Variants in RHOT1 observed in about 807,000 individuals in gnomAD.
RHOT1 encodes ras homolog family member T1.
Under a neutral mutation model 95.3 loss-of-function variants are expected in RHOT1, and 27 were observed. That is an observed-to-expected ratio of 0.28 (90% CI 0.21 to 0.39). The LOEUF is 0.39. Among genes scored for constraint, RHOT1 ranks in the 10% least tolerant of loss-of-function variants. The pLI is 1.00. For synonymous variants in RHOT1, 227 were observed against 263.5 expected (o/e 0.86, Z 1.34); for missense variants, 578 against 786.7 (o/e 0.73, Z 3.17).
intron 1 of RHOT1, among the ~76,000 whole-genome samples, chr17:32,150,206 A>T (rs1189526419): frequency 6.6e-6 from 1 of 152,204 alleles, no homozygotes; most frequent in Non-Finnish European, 1.5e-5. Context: ...ACTAAGTCAC[A>T]TTTGTCTGAT....
At chr17:32,182,988 C>G in intron 7 of RHOT1, 123 bp downstream of exon 7, 2 of 763,160 alleles carry the variant, frequency 2.6e-6, no homozygotes, top group Non-Finnish European at 4.2e-6. Flanking sequence ...TCACGTAAAC[C>G]AAATAAAACA....
chr17:32,177,648 G>A (rs559383171), intron 6 of RHOT1, among the ~76,000 whole-genome samples: 13 of 150,884 alleles, frequency 8.6e-5, no homozygotes, highest in Non-Finnish European at 1.6e-4. Flanking sequence ...CCAGCTACTC[G>A]GGAGGCTGAA....
chr17:32,173,781 G>A (rs772689911), intron 2 of RHOT1, 50 bp from the exon 3 acceptor site: 1 of 1,201,326 alleles, frequency 8.3e-7, no homozygotes, highest in South Asian at 1.3e-5. Context: ...AAGTTTGAGT[G>A]ATAATATTCA....
intron 1 of RHOT1, among the ~76,000 whole-genome samples, chr17:32,153,057 C>G (rs2032521469): frequency 6.6e-6 from 1 of 152,216 alleles, no homozygotes; most frequent in African/African-American, 2.4e-5. Flanking sequence ...CTGCCTCAGC[C>G]TCCCAAAGTG....
intron 4 of RHOT1, 52 bp downstream of exon 4, chr17:32,175,414 AT>A: frequency 6.9e-7 from 1 of 1,455,204 alleles, no homozygotes. Context: ...AACAGTGATG[AT>A]TTTATGAGCC....
At chr17:32,176,463 G>A (rs375474862) in intron 6 of RHOT1, among the ~76,000 whole-genome samples, 2 of 152,110 alleles carry the variant, frequency 1.3e-5, no homozygotes, top group South Asian at 2.1e-4. Context: ...CTGATATCAT[G>A]ATTCACAACT....
chr17:32,175,637 G>C (rs111467428), intron 4 of RHOT1, among the ~76,000 whole-genome samples: 1,721 of 152,196 alleles, frequency 0.011, 35 homozygotes, highest in African/African-American at 0.039. Flanking sequence ...TTGTATTTTA[G>C]TAGAGATGGG....
At chr17:32,207,462 G>A (rs572372988) in intron 17 of RHOT1, 2 of 156,692 alleles carry the variant, frequency 1.3e-5, no homozygotes, top group African/African-American at 4.8e-5. Context: ...TTCAATAGGA[G>A]TAAAAAGCTA....
intron 19 of RHOT1, among the ~76,000 whole-genome samples, chr17:32,215,016 C>T (rs1321571392): frequency 1.4e-5 from 2 of 146,416 alleles, no homozygotes; most frequent in African/African-American, 5.0e-5. Context: ...AAGTGATTCT[C>T]GTGCCTCAGC....
In RHOT1 at chr17:32,186,645, G is replaced by A. The variant is rs12943405; in HGVS notation, c.540+3373G>A. Among the ~76,000 whole-genome samples, 1,020 of 151,990 alleles carry A rather than the reference G, an allele frequency of 6.7e-3. 15 individuals are homozygous for A. Among genetic ancestry groups the A allele is most frequent in the African/African-American group, 0.022 (914 of 41,458 alleles). The stretch of plus-strand genomic sequence containing the variant: ...CCCCCAAAGTGCTGGGATTACAGGC[G>A]TGAGCCACTGCGCCCGGCCCCCATT... On this transcript the variant is annotated intron_variant, in intron 8 of 19. Coordinates refer to ENST00000545287, the MANE Select transcript of RHOT1 (RefSeq NM_001033566.3).
At chr17:32,212,343 T>C (rs1362201475) in intron 19 of RHOT1, among the ~76,000 whole-genome samples, 1 of 152,252 alleles carries the variant, frequency 6.6e-6, no homozygotes, top group East Asian at 1.9e-4. Flanking sequence ...CTAACAGCTC[T>C]GGAATAAGAA....
At chr17:32,146,859 A>T (rs945102303) in intron 1 of RHOT1, among the ~76,000 whole-genome samples, 16 of 146,074 alleles carry the variant, frequency 1.1e-4, no homozygotes, top group African/African-American at 3.8e-4. Context: ...AGTAGCTGGG[A>T]TGACAGGCAT....
Position 32,198,988 on chromosome 17 carries a change from A to T in RHOT1, c.911A>T (p.His304Leu). Reference protein sequence around the residue: ...PPDCTTELNHHAYLFLQSTFD... With the variant: ...PPDCTTELNHLAYLFLQSTFD... ...GATTGCACTACTGAATTAAATCATCATGCATATTTATTTCTCCAAAGCACC... is the reference window on the plus strand; with the variant it reads ...GATTGCACTACTGAATTAAATCATCTTGCATATTTATTTCTCCAAAGCACC... Residue 304 changes from histidine (H) to leucine (L), a missense_variant, in exon 12 of 20, where the codon CAT becomes CTT. His to Leu is a moderately conservative substitution (Grantham distance 99). Around this residue, in one of 4 missense-constraint regions of RHOT1, gnomAD observed 227 missense variants for 316.0 expected, o/e 0.72. Transcript: ENST00000545287. 1 of 1,612,184 alleles carries T rather than the reference A, an allele frequency of 6.2e-7. No homozygotes were observed.
intron 6 of RHOT1, among the ~76,000 whole-genome samples, chr17:32,177,580 C>T (rs1452804489): frequency 6.6e-6 from 1 of 151,776 alleles, no homozygotes; most frequent in Non-Finnish European, 1.5e-5. Context: ...ACAGTGAAAC[C>T]CCATCTCTAC....
intron 8 of RHOT1, among the ~76,000 whole-genome samples, chr17:32,187,769 A>G (rs1450260876): frequency 6.6e-6 from 1 of 152,204 alleles, no homozygotes; most frequent in East Asian, 1.9e-4. Flanking sequence ...GGGTTTCACC[A>G]TGTTGGCCAG....
At chr17:32,186,208 T>A (rs564498534) in intron 8 of RHOT1, among the ~76,000 whole-genome samples, 1 of 152,236 alleles carries the variant, frequency 6.6e-6, no homozygotes, top group Non-Finnish European at 1.5e-5. Context: ...TTACTTTTCT[T>A]TTTTGGTTTA....
At chr17:32,203,013 T>G in intron 15 of RHOT1, 113 bp downstream of exon 15, 1 of 1,001,162 alleles carries the variant, frequency 1.0e-6, no homozygotes, top group Non-Finnish European at 1.5e-6. Flanking sequence ...CTCAATGGCC[T>G]GTATTAGTCA....
At chr17:32,149,182 ATGTT>A (rs2031835404) in intron 1 of RHOT1, among the ~76,000 whole-genome samples, 1 of 152,130 alleles carries the variant, frequency 6.6e-6, no homozygotes, top group Non-Finnish European at 1.5e-5. Flanking sequence ...AACATACTAA[ATGTT>A]TGTATCAAAT....
chr17:32,195,820 A>C (rs1163562746), intron 11 of RHOT1, among the ~76,000 whole-genome samples: 2 of 152,202 alleles, frequency 1.3e-5, no homozygotes, highest in Non-Finnish European at 2.9e-5. Flanking sequence ...TTTTCAATAA[A>C]TATATACTAA....
Sources: gnomAD v4.1 joint callset for allele counts (sites outside exome capture counted in the v4.1 genomes callset) on GRCh38, gnomAD v4.1.1 for gene constraint, gnomAD v4.1.1 regional missense constraint, MANE v1.5 for transcripts, NCBI Gene and HGNC (gene_info 2026-07-23, HGNC 2026-07-21) for gene names.